RBFOX1: variants seen among roughly 807,000 people sequenced by gnomAD.
The protein encoded by RBFOX1 is RNA binding fox-1 homolog 1.
In RBFOX1, 8 loss-of-function variants were observed where a neutral mutation model predicts 57.7. The observed-to-expected ratio is 0.14, with a 90% CI of 0.08 to 0.25. The LOEUF is 0.25. Among genes scored for constraint, RBFOX1 ranks in the 10% least tolerant of loss-of-function variants. The probability of loss-of-function intolerance (pLI) is 1.00; values close to 1 mark genes in which losing one functional copy is unlikely to be tolerated. For synonymous variants in RBFOX1, 326 were observed against 222.4 expected (o/e 1.47, Z -4.15); for missense variants, 611 against 548.5 (o/e 1.11, Z -1.14).
At chr16:6,840,137 C>G (rs2093377216) in intron 3 of RBFOX1, among the ~76,000 whole-genome samples, 1 of 152,118 alleles carries the variant, frequency 6.6e-6, no homozygotes, top group East Asian at 1.9e-4. Context: ...TTTATTTTTT[C>G]ATGGAGATAA....
chr16:6,201,174 T>C (rs1291845064), intron 1 of RBFOX1, among the ~76,000 whole-genome samples: 1 of 152,152 alleles, frequency 6.6e-6, no homozygotes, highest in Non-Finnish European at 1.5e-5. Flanking sequence ...CCATTGTATC[T>C]ATGGTACCAC....
intron 14 of RBFOX1, among the ~76,000 whole-genome samples, chr16:7,685,922 G>A (rs538143287): frequency 2.6e-5 from 4 of 152,064 alleles, no homozygotes; most frequent in Non-Finnish European, 5.9e-5. Flanking sequence ...ATTACAGATT[G>A]AGATTTACAC....
intron 2 of RBFOX1, among the ~76,000 whole-genome samples, chr16:5,510,518 TC>T (rs1384914798): frequency 6.6e-6 from 1 of 151,914 alleles, no homozygotes; most frequent in African/African-American, 2.4e-5. Flanking sequence ...CCAAAGCAAG[TC>T]GCGTGGCTGA....
chr16:7,453,455 C>G (rs747652234), intron 4 of RBFOX1, among the ~76,000 whole-genome samples: 4 of 152,080 alleles, frequency 2.6e-5, no homozygotes, highest in Non-Finnish European at 5.9e-5. Context: ...TGACTTTATC[C>G]TAAGAATAGG....
intron 3 of RBFOX1, among the ~76,000 whole-genome samples, chr16:7,006,223 C>T (rs9922193): frequency 0.43 from 65,201 of 151,902 alleles, 17,203 homozygotes; most frequent in South Asian, 0.61. Context: ...GGCACGATCT[C>T]GGTTCACTGC....
intron 1 of RBFOX1, among the ~76,000 whole-genome samples, chr16:6,287,876 T>C (rs1040605992): frequency 1.3e-5 from 2 of 152,184 alleles, no homozygotes; most frequent in African/African-American, 4.8e-5. Flanking sequence ...GAACTTCACA[T>C]CTTCAGATAA....
chr16:6,199,951 A>T (rs1396565663), intron 1 of RBFOX1, among the ~76,000 whole-genome samples: 1 of 152,130 alleles, frequency 6.6e-6, no homozygotes, highest in Non-Finnish European at 1.5e-5. Flanking sequence ...CTACAGCTGG[A>T]TGTTCACCGA....
intron 3 of RBFOX1, among the ~76,000 whole-genome samples, chr16:6,683,036 C>G (rs940191719): frequency 2.6e-5 from 4 of 151,990 alleles, no homozygotes; most frequent in African/African-American, 4.8e-5. Context: ...ATCCATATGA[C>G]CCTGCTTTTA....
At chr16:5,902,718 A>G (rs933223740) in intron 4 of RBFOX1, among the ~76,000 whole-genome samples, 1 of 152,132 alleles carries the variant, frequency 6.6e-6, no homozygotes, top group Non-Finnish European at 1.5e-5. Context: ...GCCCGGCCTT[A>G]TTTAATCATA....
At chr16:7,419,221 A>G (rs1190965953) in intron 4 of RBFOX1, among the ~76,000 whole-genome samples, 1 of 152,098 alleles carries the variant, frequency 6.6e-6, no homozygotes, top group African/African-American at 2.4e-5. Flanking sequence ...CCCCCAGCCA[A>G]GAGTTGTTTT....
At chr16:6,164,920 A>G (rs911784466) in intron 1 of RBFOX1, among the ~76,000 whole-genome samples, 1 of 152,206 alleles carries the variant, frequency 6.6e-6, no homozygotes, top group Non-Finnish European at 1.5e-5. Flanking sequence ...TCATTAAAGG[A>G]TCATAAGTAA....
chr16:6,051,145 T>C (rs1235587505), intron 1 of RBFOX1, among the ~76,000 whole-genome samples: 1 of 151,510 alleles, frequency 6.6e-6, no homozygotes, highest in Non-Finnish European at 1.5e-5. Flanking sequence ...CAATTACTTT[T>C]GCAGTAATCT....
At chr16:6,376,933 C>T (rs1226566049) in intron 2 of RBFOX1, among the ~76,000 whole-genome samples, 1 of 151,904 alleles carries the variant, frequency 6.6e-6, no homozygotes, top group East Asian at 1.9e-4. Context: ...ACATAGCCTT[C>T]CCTGTGTTTT....
At chr16:7,356,034 G>A (rs916835785) in intron 4 of RBFOX1, among the ~76,000 whole-genome samples, 1 of 152,210 alleles carries the variant, frequency 6.6e-6, no homozygotes, top group Non-Finnish European at 1.5e-5. Context: ...GAAGAAGCAA[G>A]CTCCAACGAG....
chr16:6,355,033 C>T (rs2152854805), intron 2 of RBFOX1, among the ~76,000 whole-genome samples: 1 of 152,258 alleles, frequency 6.6e-6, no homozygotes, highest in South Asian at 2.1e-4. Context: ...CCTGACTTCC[C>T]AGTAGCAAAG....
intron 10 of RBFOX1, among the ~76,000 whole-genome samples, chr16:7,611,041 CTTA>C (rs2057374741): frequency 6.6e-6 from 1 of 152,128 alleles, no homozygotes; most frequent in Admixed American, 6.5e-5. Flanking sequence ...GAAAGCCAGA[CTTA>C]TTAGTCATTT....
intron 4 of RBFOX1, among the ~76,000 whole-genome samples, chr16:7,242,649 A>G (rs765785688): frequency 1.2e-4 from 19 of 152,218 alleles, no homozygotes; most frequent in African/African-American, 3.4e-4. Context: ...CATGCAGTCA[A>G]TTCAGTCCAA....
intron 2 of RBFOX1, among the ~76,000 whole-genome samples, chr16:6,502,734 C>T (rs929775204): frequency 3.9e-5 from 6 of 152,148 alleles, no homozygotes; most frequent in Admixed American, 2.6e-4. Flanking sequence ...GGACTCATCT[C>T]CTCTAGGGTA....
At chr16:5,647,456 A>T (rs1320958504) in intron 3 of RBFOX1, among the ~76,000 whole-genome samples, 1 of 152,192 alleles carries the variant, frequency 6.6e-6, no homozygotes, top group Non-Finnish European at 1.5e-5. Context: ...ACATGTAAAC[A>T]CTGCTGTCCA....
Sources: gnomAD v4.1 joint callset for allele counts (sites outside exome capture counted in the v4.1 genomes callset) on GRCh38, gnomAD v4.1.1 for gene constraint, MANE v1.5 for transcripts, NCBI Gene and HGNC (gene_info 2026-07-23, HGNC 2026-07-21) for gene names.